The following TENM3 variants were observed in gnomAD, a reference collection of about 807,000 sequenced individuals.
TENM3 encodes the protein teneurin transmembrane protein 3, also known as teneurin-3.
In TENM3, 63 loss-of-function variants were observed where a neutral mutation model predicts 255.1. That is an observed-to-expected ratio of 0.25 (90% CI 0.20 to 0.30). The LOEUF (loss-of-function observed/expected upper bound fraction) is 0.30. TENM3 is among the 10% of genes least tolerant of loss of function. The pLI is 1.00. For missense variants in TENM3, 2,929 were observed against 3,461.1 expected, an observed-to-expected ratio of 0.85 and a Z score of 3.86; for synonymous variants, 1,306 against 1,322.3, an observed-to-expected ratio of 0.99 and a Z score of 0.27.
At chr4:181,996,737 G>A in the TENM3 span, among the ~76,000 whole-genome samples, 1 of 152,098 alleles carries the variant, frequency 6.6e-6, no homozygotes, top group South Asian at 2.1e-4. Flanking sequence ...CTCTGATTTG[G>A]GTGTATTTTG....
intron 11 of TENM3, among the ~76,000 whole-genome samples, chr4:182,686,350 T>G (rs1487614543): frequency 6.6e-6 from 1 of 152,128 alleles, no homozygotes; most frequent in Non-Finnish European, 1.5e-5. Flanking sequence ...CTTGTGTACC[T>G]CAAATTTATC....
the TENM3 span, among the ~76,000 whole-genome samples, chr4:182,130,748 G>C: frequency 6.6e-6 from 1 of 151,220 alleles, no homozygotes; most frequent in East Asian, 2.0e-4. Flanking sequence ...TTAAGACAAA[G>C]CCGAACGATT....
At chr4:181,891,145 A>G in the TENM3 span, among the ~76,000 whole-genome samples, 1 of 152,222 alleles carries the variant, frequency 6.6e-6, no homozygotes, top group Admixed American at 6.5e-5. Context: ...GACAGAGAGC[A>G]GATGAAATTT....
At chr4:181,940,527 T>C in the TENM3 span, among the ~76,000 whole-genome samples, 1 of 152,168 alleles carries the variant, frequency 6.6e-6, no homozygotes, top group African/African-American at 2.4e-5. Flanking sequence ...ATAAACTATA[T>C]AACATAATAG....
chr4:181,600,473 C>T, the TENM3 span, among the ~76,000 whole-genome samples: 1 of 152,134 alleles, frequency 6.6e-6, no homozygotes, highest in Non-Finnish European at 1.5e-5. Context: ...CCTCCTGAAC[C>T]CAAGTTCAGA....
At chr4:181,655,950 C>T in the TENM3 span, among the ~76,000 whole-genome samples, 1 of 152,072 alleles carries the variant, frequency 6.6e-6, no homozygotes, top group Non-Finnish European at 1.5e-5. Flanking sequence ...CCTCTTTGTC[C>T]CTACTGTAAC....
chr4:182,687,540 T>C (rs989673219), intron 11 of TENM3, among the ~76,000 whole-genome samples: 1 of 152,198 alleles, frequency 6.6e-6, no homozygotes, highest in Non-Finnish European at 1.5e-5. Context: ...GGTTTTGTAC[T>C]GTGGACTAAG....
chr4:182,423,613 T>A (rs1561431924), intron 3 of TENM3, among the ~76,000 whole-genome samples: 2 of 152,096 alleles, frequency 1.3e-5, no homozygotes, highest in South Asian at 4.1e-4. Context: ...TACTCTTTTT[T>A]AAAAAAATAC....
At chr4:182,199,227 G>T (rs1754025633) in intron 1 of TENM3, among the ~76,000 whole-genome samples, 1 of 152,076 alleles carries the variant, frequency 6.6e-6, no homozygotes, top group African/African-American at 2.4e-5. Flanking sequence ...ACTTTGGGAG[G>T]CCAAGACAGG....
chr4:181,609,208 A>G, the TENM3 span, among the ~76,000 whole-genome samples: 1 of 152,078 alleles, frequency 6.6e-6, no homozygotes, highest in African/African-American at 2.4e-5. Flanking sequence ...ATGAGCTCCC[A>G]TTTCTCCTAA....
intron 3 of TENM3, among the ~76,000 whole-genome samples, chr4:182,389,469 G>T (rs1001286902): frequency 4.2e-4 from 63 of 151,362 alleles, no homozygotes; most frequent in Admixed American, 1.9e-3. Context: ...CATTTTACCT[G>T]CCAGAAAAAA....
chr4:182,393,000 G>GAGAAAGAAA (rs1259916061), intron 3 of TENM3, among the ~76,000 whole-genome samples: 1 of 152,188 alleles, frequency 6.6e-6, no homozygotes, highest in Non-Finnish European at 1.5e-5. Flanking sequence ...AGACTCAATG[G>GAGAAAGAAA]AGAAAGAAAG....
chr4:181,534,803 GAATGATATCTTAGGCAGGTCCCATAGC>G, the TENM3 span, among the ~76,000 whole-genome samples: 1 of 152,130 alleles, frequency 6.6e-6, no homozygotes. Context: ...TCCAGGCTGT[GAATGATATCTTAGGCAGGTCCCATAGC>G]TTTTCAGGCA....
At chr4:182,274,720 G>T (rs1352964470) in intron 1 of TENM3, among the ~76,000 whole-genome samples, 2 of 152,290 alleles carry the variant, frequency 1.3e-5, no homozygotes, top group South Asian at 2.1e-4. Context: ...AAACTTGCAA[G>T]ATAATGATTA....
At chr4:182,023,919 T>C in the TENM3 span, among the ~76,000 whole-genome samples, 1 of 152,214 alleles carries the variant, frequency 6.6e-6, no homozygotes, top group African/African-American at 2.4e-5. Context: ...GGAAGTCATG[T>C]AGTTATATGG....
At chr4:181,726,538 A>C in the TENM3 span, among the ~76,000 whole-genome samples, 11 of 152,318 alleles carry the variant, frequency 7.2e-5, no homozygotes, top group South Asian at 2.3e-3. Context: ...TTCCAGTCCC[A>C]CAAGTATAAG....
chr4:182,670,167 C>T (rs539733940), intron 6 of TENM3, among the ~76,000 whole-genome samples: 1 of 152,166 alleles, frequency 6.6e-6, no homozygotes, highest in South Asian at 2.1e-4. Flanking sequence ...TCTAATTTTG[C>T]TGAAATGAAC....
chr4:182,390,533 G>A (rs1051307788), intron 3 of TENM3, among the ~76,000 whole-genome samples: 6 of 152,126 alleles, frequency 3.9e-5, no homozygotes, highest in African/African-American at 1.4e-4. Context: ...CTAACAAGGT[G>A]CCCTGATCTA....
At position 182,793,976 on chromosome 4, in the gene TENM3, T is replaced by C. The variant is rs577188932; in HGVS notation, c.7213+91T>C. ...CTGGAAATGCTTTTTTAAAAAACTT[T>C]ATACTTTACTCAGGCAAAGGCAAAT... On this transcript the variant is annotated intron_variant, in intron 26 of 27. Coordinates refer to ENST00000511685, the MANE Select transcript of TENM3 (RefSeq NM_001080477.4). The surrounding 1 kb of genome is among the most constrained non-coding windows in gnomAD (Gnocchi z 5.7). 1 of 1,214,472 alleles carries C rather than the reference T, an allele frequency of 8.2e-7. No homozygotes were observed. Among genetic ancestry groups the C allele is most frequent in the Non-Finnish European group, 1.1e-6 (1 of 885,090 alleles). 75.2% of individuals were successfully genotyped at this position (1,214,472 alleles called of 1,614,324 possible).
Sources: allele counts gnomAD v4.1 joint callset (sites outside exome capture counted in the v4.1 genomes callset), GRCh38; gene constraint gnomAD v4.1.1; non-coding constraint Gnocchi (gnomAD v3.1); transcripts MANE v1.5; gene names NCBI Gene and HGNC (gene_info 2026-07-23, HGNC 2026-07-21).